POU6F2: variants seen among roughly 807,000 people sequenced by gnomAD.
The protein encoded by POU6F2 is POU class 6 homeobox 2, also known as POU domain, class 6, transcription factor 2.
POU6F2 carries 31 observed loss-of-function variants against 71.3 expected under a neutral mutation model. The ratio of observed to expected loss-of-function variants is 0.43; its 90% confidence interval spans 0.33 to 0.59. POU6F2 has a LOEUF of 0.59. Ranked by LOEUF, POU6F2 falls within the 20% of genes least tolerant of loss-of-function variation. POU6F2 has a pLI of 0.04. For missense variants in POU6F2, 783 were observed against 856.8 expected, an observed-to-expected ratio of 0.91 and a Z score of 1.07; for synonymous variants, 347 against 355.7, an observed-to-expected ratio of 0.98 and a Z score of 0.27.
chr7:39,414,551 G>T (rs1018348125), intron 6 of POU6F2, among the ~76,000 whole-genome samples: 2 of 152,106 alleles, frequency 1.3e-5, no homozygotes, highest in African/African-American at 4.8e-5. Context: ...GATGCGCAGG[G>T]ACTCCGCGGG....
intron 2 of POU6F2, among the ~76,000 whole-genome samples, chr7:39,185,853 ATG>A (rs1793527779): frequency 1.3e-4 from 7 of 54,980 alleles, no homozygotes; most frequent in African/African-American, 3.5e-4. Flanking sequence ...ATGTATATGT[ATG>A]TGTATATATG....
chr7:39,159,855 A>G (rs1792954865), intron 2 of POU6F2, among the ~76,000 whole-genome samples: 1 of 152,218 alleles, frequency 6.6e-6, no homozygotes, highest in Non-Finnish European at 1.5e-5. Flanking sequence ...GTGAGGCCAG[A>G]GAAGAGAAAA....
intron 1 of POU6F2, among the ~76,000 whole-genome samples, chr7:38,997,577 T>C (rs566473240): frequency 1.3e-5 from 2 of 152,322 alleles, no homozygotes; most frequent in South Asian, 4.1e-4. Context: ...CTATTTCCCC[T>C]TGATGATGAC....
chr7:39,421,143 A>G (rs1215489100), intron 6 of POU6F2, among the ~76,000 whole-genome samples: 1 of 152,082 alleles, frequency 6.6e-6, no homozygotes, highest in African/African-American at 2.4e-5. Flanking sequence ...TGGGGATGCA[A>G]TTTTACGAGA....
At chr7:39,215,607 GA>G (rs1794224412) in intron 4 of POU6F2, among the ~76,000 whole-genome samples, 1 of 152,190 alleles carries the variant, frequency 6.6e-6, no homozygotes, top group East Asian at 1.9e-4. Context: ...TAGAGGTAGT[GA>G]TCTGGACTTA....
chr7:39,298,260 AC>A (rs954580740), intron 4 of POU6F2, among the ~76,000 whole-genome samples: 21 of 152,206 alleles, frequency 1.4e-4, no homozygotes, highest in African/African-American at 4.8e-4. Context: ...TTTGCAATCT[AC>A]CCATCTGACA....
intron 4 of POU6F2, among the ~76,000 whole-genome samples, chr7:39,283,709 C>T (rs1394828905): frequency 6.6e-6 from 1 of 152,154 alleles, no homozygotes; most frequent in South Asian, 2.1e-4. Flanking sequence ...GGCTATTGAG[C>T]AAATCATGAC....
chr7:39,133,035 A>G (rs1792321934), intron 2 of POU6F2, among the ~76,000 whole-genome samples: 1 of 152,238 alleles, frequency 6.6e-6, no homozygotes, highest in African/African-American at 2.4e-5. Context: ...AAACAAGTCA[A>G]TCCCGCTCAT....
intron 4 of POU6F2, among the ~76,000 whole-genome samples, chr7:39,313,099 A>G (rs1302970425): frequency 6.6e-6 from 1 of 152,128 alleles, no homozygotes; most frequent in East Asian, 1.9e-4. Flanking sequence ...GAGAAAACCG[A>G]AAGTTCTTTC....
At chr7:39,206,246 A>G (rs1296107199) in intron 3 of POU6F2, among the ~76,000 whole-genome samples, 2 of 152,164 alleles carry the variant, frequency 1.3e-5, no homozygotes, top group South Asian at 2.1e-4. Flanking sequence ...CAAGGACTCT[A>G]AGATCAAATG....
rs1304021912 is a variant in POU6F2 at position 39,195,116 on chromosome 7, A to G, written c.278-9119A>G. On this transcript the variant is annotated intron_variant, in intron 2 of 9. Transcript: ENST00000518318. ...CAATTAAAATTTTTTTCTTGGAAAA[A>G]TTAAATTTCAAGATTCATATTCCTA... Among the ~76,000 whole-genome samples the G allele has an allele frequency of 2.6e-5, 4 of 152,236 alleles. No individual in the cohort carries two copies. The East Asian group carries it at 7.7e-4, about 29-fold the overall frequency.
chr7:39,423,432 C>A (rs1787898614), intron 6 of POU6F2, among the ~76,000 whole-genome samples: 1 of 152,112 alleles, frequency 6.6e-6, no homozygotes, highest in African/African-American at 2.4e-5. Context: ...GTATGCCCTG[C>A]CCCCATGCCA....
rs553697999 is a variant in POU6F2, at chr7:39,058,524, T to C, written c.106-27336T>C. On this transcript the variant is annotated intron_variant, in intron 1 of 9. Transcript: ENST00000518318. ...AATTGTTATACATTTCCGCTAGAAT[T>C]TGGGAAATCATCTTTTTCCATCACT... Among the ~76,000 whole-genome samples the C allele has an allele frequency of 3.3e-5, 5 of 152,314 alleles. No homozygotes were observed. In the South Asian group the frequency reaches 1.0e-3, roughly 32 times the overall value.
intron 2 of POU6F2, among the ~76,000 whole-genome samples, chr7:39,167,287 A>G (rs1375303578): frequency 6.6e-6 from 1 of 152,176 alleles, no homozygotes; most frequent in Non-Finnish European, 1.5e-5. Context: ...ATAAAACATC[A>G]TTAATATCTG....
intron 2 of POU6F2, among the ~76,000 whole-genome samples, chr7:39,093,736 T>G (rs1791399384): frequency 6.6e-6 from 1 of 152,124 alleles, no homozygotes; most frequent in Non-Finnish European, 1.5e-5. Context: ...ACACAGTGTT[T>G]TAAAATAGCA....
At chr7:39,304,781 G>T (rs756492710) in intron 4 of POU6F2, among the ~76,000 whole-genome samples, 1 of 152,164 alleles carries the variant, frequency 6.6e-6, no homozygotes, top group Non-Finnish European at 1.5e-5. Flanking sequence ...TAAATTCCTG[G>T]ACAGTTTTAC....
chr7:39,316,204 T>G lies in POU6F2; in HGVS notation c.599-23438T>G, dbSNP rs193251200. ...TATTCAACTTGCTATCTTTTCAGCA[T>G]TCCTGTTTTAAATGCCCAAACCATA... On this transcript the variant is annotated intron_variant, in intron 4 of 9. Transcript: ENST00000518318. Among the ~76,000 whole-genome samples, 88 of 152,338 alleles carry G rather than the reference T, an allele frequency of 5.8e-4. 1 individual carries two copies. Among genetic ancestry groups the G allele is most frequent in the African/African-American group, 2.0e-3 (83 of 41,580 alleles).
chr7:39,117,070 G>T (rs965982688), intron 2 of POU6F2, among the ~76,000 whole-genome samples: 3 of 152,092 alleles, frequency 2.0e-5, no homozygotes, highest in African/African-American at 7.2e-5. Context: ...CTATGCAGTT[G>T]CATTTCAATC....
chr7:39,375,485 A>G (rs969399042), intron 5 of POU6F2, among the ~76,000 whole-genome samples: 5 of 151,766 alleles, frequency 3.3e-5, no homozygotes, highest in African/African-American at 7.3e-5. Flanking sequence ...CAGCCCCCCA[A>G]CCTTCCACGG....
Sources: gnomAD v4.1 joint callset for allele counts (sites outside exome capture counted in the v4.1 genomes callset) on GRCh38, gnomAD v4.1.1 for gene constraint, MANE v1.5 for transcripts, NCBI Gene and HGNC (gene_info 2026-07-23, HGNC 2026-07-21) for gene names.